FAIM2: variants seen among roughly 807,000 people sequenced by gnomAD.
FAIM2 encodes the protein protein lifeguard 2.
FAIM2 carries 27 observed loss-of-function variants against 47.4 expected under a neutral mutation model. The ratio of observed to expected loss-of-function variants is 0.57; its 90% CI spans 0.42 to 0.78. The LOEUF is 0.78. Ranked by LOEUF, FAIM2 falls within the 30% of genes least tolerant of loss-of-function variation. The pLI is 0.00. For missense variants in FAIM2, 311 were observed against 389.4 expected, an observed-to-expected ratio of 0.80 and a Z score of 1.69; for synonymous variants, 156 against 159.3, an observed-to-expected ratio of 0.98 and a Z score of 0.16.
intron 11 of FAIM2, among the ~76,000 whole-genome samples, chr12:49,873,386 CTG>C (rs1234433731): frequency 2.6e-5 from 4 of 152,128 alleles, no homozygotes; most frequent in Non-Finnish European, 5.9e-5. Flanking sequence ...TCTGCTCCTT[CTG>C]TGTTTGATTT....
rs568862861 is a variant in FAIM2 at position 49,897,461 on chromosome 12, G to A, written c.380+58C>T. On this transcript the variant is annotated intron_variant, in intron 4 of 11. Transcript: ENST00000320634. ...GCAGGAGTCTGATCATGGGTTCCCC[G>A]GCTCCAGGCCTGGCCATAGTCATCC... The A allele has an allele frequency of 5.5e-5, 83 of 1,514,918 alleles. 1 individual carries two copies. The South Asian group carries it at 7.3e-4, about 13-fold the overall frequency. The allele number at this position is 1,514,918 out of a possible 1,614,324, so 93.8% of individuals were successfully genotyped here.
intron 4 of FAIM2, 41 bp downstream of exon 4, chr12:49,897,478 T>C (rs1422950774): frequency 1.9e-6 from 3 of 1,589,018 alleles, no homozygotes; most frequent in African/African-American, 1.3e-5. Flanking sequence ...GGCCTGGCCA[T>C]AGTCATCCCT....
In FAIM2 at chr12:49,891,132, A is replaced by C. The variant is rs754523189; in HGVS notation, c.435-18T>G. The C allele has an allele frequency of 1.4e-5, 22 of 1,613,678 alleles. 1 individual carries two copies. The highest frequency in any genetic ancestry group is 1.7e-5 in the Non-Finnish European group (20 of 1,179,598). ...ACACAGCACTGTGAGAGACAGATGG[A>C]TAGGTGAGTCAGCCAGCCTCTCCTG... On this transcript the variant is annotated intron_variant, in intron 5 of 11. Coordinates refer to ENST00000320634, the MANE Select transcript of FAIM2 (RefSeq NM_012306.4).
chr12:49,894,184 G>A (rs1392421646), intron 5 of FAIM2, among the ~76,000 whole-genome samples: 1 of 152,200 alleles, frequency 6.6e-6, no homozygotes, highest in Non-Finnish European at 1.5e-5. Context: ...GGCCTGTTGG[G>A]AGGACTGATG....
At chr12:49,873,067 C>G (rs1052412577) in intron 11 of FAIM2, among the ~76,000 whole-genome samples, 1 of 152,066 alleles carries the variant, frequency 6.6e-6, no homozygotes, top group Non-Finnish European at 1.5e-5. Flanking sequence ...AGCTGAGTGG[C>G]CTTAACACAG....
chr12:49,880,448 GTGCATGTGTA>G (rs1946807869), intron 11 of FAIM2, among the ~76,000 whole-genome samples: 3 of 74,014 alleles, frequency 4.1e-5, no homozygotes, highest in African/African-American at 1.4e-4. Flanking sequence ...GTTTGTGTAT[GTGCATGTGTA>G]TGTGTGTGTG....
chr12:49,884,075 T>A (rs1249599696), intron 11 of FAIM2, among the ~76,000 whole-genome samples: 1 of 151,762 alleles, frequency 6.6e-6, no homozygotes, highest in Non-Finnish European at 1.5e-5. Flanking sequence ...TACAAAAAAA[T>A]TAGCCAGGCA....
chr12:49,888,186 T>A (rs1946874857), intron 10 of FAIM2, among the ~76,000 whole-genome samples: 1 of 152,136 alleles, frequency 6.6e-6, no homozygotes, highest in Non-Finnish European at 1.5e-5. Context: ...CTCCTCCCCA[T>A]CCTAGACACA....
chr12:49,878,388 A>ATGTGTGTGTGTGCGTGTG (rs1217842483), intron 11 of FAIM2, among the ~76,000 whole-genome samples: 1 of 19,522 alleles, frequency 5.1e-5, no homozygotes, highest in Non-Finnish European at 9.0e-5. Flanking sequence ...ATGTGTGTAT[A>ATGTGTGTGTGTGCGTGTG]TGTGTGTGTC....
Position 49,874,503 on chromosome 12 carries a change from C to T in FAIM2, c.802-3850G>A, listed in dbSNP as rs1045035579. Reference sequence around the variant, plus strand: ...AACTTCCCCGCCTCACTTTACTGGCCAGTGCTAAACCTGGCCGGGGACCCC... The same window carrying T: ...AACTTCCCCGCCTCACTTTACTGGCTAGTGCTAAACCTGGCCGGGGACCCC... On this transcript the variant is annotated intron_variant, in intron 11 of 11. Coordinates refer to ENST00000320634, the MANE Select transcript of FAIM2 (RefSeq NM_012306.4). This position sits in a 1 kb window ranked among gnomAD's most constrained non-coding sequence, Gnocchi z 4.2. Among the ~76,000 whole-genome samples, 54 of 152,278 alleles carry T rather than the reference C, an allele frequency of 3.5e-4. No individual in the cohort carries two copies. The highest frequency in any genetic ancestry group is 1.2e-3 in the African/African-American group (51 of 41,554).
chr12:49,874,204 T>C lies in FAIM2; in HGVS notation c.802-3551A>G, dbSNP rs1013750604. ...CAGGAGACTCTGCAGGAGGAGCACA[T>C]GGGATGGGGCAGGAGGCCCCCTGGG... is the stretch of plus-strand genomic sequence containing the variant. On this transcript the variant is annotated intron_variant, in intron 11 of 11. Transcript: ENST00000320634. This position sits in a 1 kb window ranked among gnomAD's most constrained non-coding sequence, Gnocchi z 4.2. 6.6e-6 allele frequency among the ~76,000 whole-genome samples: 1 copy of C among 152,140 alleles called. No individual in the cohort carries two copies. The highest frequency in any genetic ancestry group is 1.5e-5 in the Non-Finnish European group (1 of 68,026).
At chr12:49,893,626 G>C (rs1269823924) in intron 5 of FAIM2, among the ~76,000 whole-genome samples, 2 of 152,208 alleles carry the variant, frequency 1.3e-5, no homozygotes, top group African/African-American at 4.8e-5. Flanking sequence ...CAGGAGTTGA[G>C]ACAAGCATAT....
rs1946693352 is a variant in FAIM2 at position 49,870,392 on chromosome 12, C to A, written c.*112G>T. Reference sequence around the variant, plus strand: ...GGGCTGGGGTAGACAGTGACCTGGCCACAGGCTGGGTTGGCAGCTAGTTTT... The same window carrying A: ...GGGCTGGGGTAGACAGTGACCTGGCAACAGGCTGGGTTGGCAGCTAGTTTT... On this transcript the variant is annotated 3_prime_UTR_variant, in exon 12 of 12. Coordinates refer to ENST00000320634, the MANE Select transcript of FAIM2 (RefSeq NM_012306.4). 2 of 1,029,078 alleles carry A rather than the reference C, an allele frequency of 1.9e-6. No homozygotes were observed. The highest frequency in any genetic ancestry group is 2.9e-6 in the Non-Finnish European group (2 of 682,408). 63.7% of individuals were successfully genotyped at this position (1,029,078 alleles called of 1,614,324 possible).
chr12:49,894,950 G>T (rs762940349), intron 5 of FAIM2, among the ~76,000 whole-genome samples: 1 of 152,174 alleles, frequency 6.6e-6, no homozygotes, highest in African/African-American at 2.4e-5. Context: ...GAAGAGACCC[G>T]GATGGAGTCC....
intron 6 of FAIM2, 85 bp from the exon 7 acceptor site, chr12:49,890,807 C>G (rs1008915834): frequency 1.6e-5 from 18 of 1,146,972 alleles, no homozygotes; most frequent in Non-Finnish European, 2.1e-5. Context: ...GGGAGGGGGT[C>G]TCTGACCAAC....
At position 49,897,590 on chromosome 12, in the gene FAIM2, G is replaced by T. The variant is rs201183234; in HGVS notation, c.316-7C>A. The T allele has an allele frequency of 1.2e-6, 2 of 1,612,646 alleles. No individual in the cohort carries two copies. Among genetic ancestry groups the T allele is most frequent in the Non-Finnish European group, 1.7e-6 (2 of 1,179,032 alleles). On this transcript the variant is annotated splice_region_variant and splice_polypyrimidine_tract_variant and intron_variant, in intron 3 of 11. Transcript: ENST00000320634. ...TCAGCAGGATGGTGTAGACCTGGGG[G>T]TGGGAGGGGTTCTACTCAGCTTGGG...
chr12:49,899,211 G>A (rs775896860), intron 2 of FAIM2, among the ~76,000 whole-genome samples: 1 of 152,104 alleles, frequency 6.6e-6, no homozygotes, highest in African/African-American at 2.4e-5. Flanking sequence ...ATGCTCTCTG[G>A]TGGGAACTAC....
chr12:49,879,529 T>C (rs1041970491), intron 11 of FAIM2, among the ~76,000 whole-genome samples: 7 of 151,892 alleles, frequency 4.6e-5, no homozygotes, highest in African/African-American at 1.7e-4. Flanking sequence ...TGTGTCCATG[T>C]GTATATATGT....
At chr12:49,872,630 G>C (rs1180191223) in intron 11 of FAIM2, among the ~76,000 whole-genome samples, 1 of 152,228 alleles carries the variant, frequency 6.6e-6, no homozygotes, top group African/African-American at 2.4e-5. Flanking sequence ...GGCTCCAACA[G>C]GGAGCAATTC....
Sources: allele counts gnomAD v4.1 joint callset (sites outside exome capture counted in the v4.1 genomes callset), GRCh38; gene constraint gnomAD v4.1.1; non-coding constraint Gnocchi (gnomAD v3.1); transcripts MANE v1.5; gene names NCBI Gene and HGNC (gene_info 2026-07-23, HGNC 2026-07-21).